Variants in TANC2 observed in about 807,000 individuals in gnomAD.
TANC2 encodes the protein protein TANC2.
A neutral mutation model predicts 210.5 loss-of-function variants in TANC2; 26 were observed. That is an observed-to-expected ratio of 0.12 (90% CI 0.09 to 0.17). The LOEUF (loss-of-function observed/expected upper bound fraction) is 0.17, where lower values mean the gene tolerates loss of function less well. Among genes scored for constraint, TANC2 ranks in the 10% least tolerant of loss-of-function variants. The pLI is 1.00. For synonymous variants in TANC2, 931 were observed against 967.1 expected, an observed-to-expected ratio of 0.96 and a Z score of 0.69; for missense variants, 2,129 against 2,608.9, an observed-to-expected ratio of 0.82 and a Z score of 4.01.
chr17:63,050,771 G>C (rs1224298954), intron 2 of TANC2, among the ~76,000 whole-genome samples: 1 of 152,216 alleles, frequency 6.6e-6, no homozygotes, highest in African/African-American at 2.4e-5. Flanking sequence ...CTTTATAAGA[G>C]ATTTTGGTAA....
intron 19 of TANC2, among the ~76,000 whole-genome samples, chr17:63,399,544 G>T (rs140093039): frequency 6.6e-6 from 1 of 152,194 alleles, no homozygotes; most frequent in African/African-American, 2.4e-5. Context: ...AATGATTGTT[G>T]TCTTCCCTCC....
At chr17:63,156,281 T>G (rs1413928980) in intron 5 of TANC2, among the ~76,000 whole-genome samples, 1 of 152,162 alleles carries the variant, frequency 6.6e-6, no homozygotes, top group Admixed American at 6.5e-5. Flanking sequence ...GGGGGGAGTC[T>G]TAGCCCTTTA....
At chr17:62,984,437 A>AT (rs915867715) in intron 1 of TANC2, among the ~76,000 whole-genome samples, 17 of 151,074 alleles carry the variant, frequency 1.1e-4, no homozygotes, top group Admixed American at 2.6e-4. Flanking sequence ...GATCTTTAGT[A>AT]TTTTTTTTGT....
At chr17:63,184,973 C>T (rs1263269737) in intron 5 of TANC2, among the ~76,000 whole-genome samples, 4 of 149,262 alleles carry the variant, frequency 2.7e-5, no homozygotes, top group Middle Eastern at 3.5e-3. Context: ...TTCAGTAATA[C>T]GGTTTTTTTT....
At chr17:63,243,594 A>T (rs1444247238) in intron 8 of TANC2, among the ~76,000 whole-genome samples, 1 of 152,226 alleles carries the variant, frequency 6.6e-6, no homozygotes, top group African/African-American at 2.4e-5. Flanking sequence ...CCTTCTGTAT[A>T]AAGTATGTAC....
At chr17:63,274,126 G>A (rs928711967) in intron 9 of TANC2, among the ~76,000 whole-genome samples, 1 of 152,110 alleles carries the variant, frequency 6.6e-6, no homozygotes, top group Non-Finnish European at 1.5e-5. Context: ...GATGATAATG[G>A]TAGTCTTTTG....
intron 1 of TANC2, among the ~76,000 whole-genome samples, chr17:62,998,896 A>G (rs1310559728): frequency 6.6e-6 from 1 of 152,242 alleles, no homozygotes; most frequent in African/African-American, 2.4e-5. Flanking sequence ...TCAAATCCAC[A>G]TATATCAATA....
chr17:63,024,940 C>T (rs1176608651), intron 2 of TANC2, among the ~76,000 whole-genome samples: 2 of 152,112 alleles, frequency 1.3e-5, no homozygotes, highest in African/African-American at 4.8e-5. Context: ...AGGATTATAC[C>T]AGAGCAACAA....
chr17:63,351,718 T>C (rs1032647964), intron 13 of TANC2, among the ~76,000 whole-genome samples: 3 of 152,140 alleles, frequency 2.0e-5, no homozygotes, highest in African/African-American at 7.2e-5. Flanking sequence ...AAAGATGATC[T>C]CTAACACTTT....
At chr17:62,984,163 C>T (rs1426584188) in intron 1 of TANC2, among the ~76,000 whole-genome samples, 1 of 151,890 alleles carries the variant, frequency 6.6e-6, no homozygotes, top group Admixed American at 6.6e-5. Flanking sequence ...AGTCTCAGTG[C>T]TTGTTGGTCT....
intron 2 of TANC2, among the ~76,000 whole-genome samples, chr17:63,015,414 C>T (rs1333093997): frequency 6.6e-6 from 1 of 152,032 alleles, no homozygotes; most frequent in East Asian, 1.9e-4. Flanking sequence ...CTGTGCTGCA[C>T]CTATTAACTC....
intron 5 of TANC2, among the ~76,000 whole-genome samples, chr17:63,173,954 A>G (rs2040494366): frequency 6.6e-6 from 1 of 152,230 alleles, no homozygotes; most frequent in South Asian, 2.1e-4. Context: ...AATAGCTACT[A>G]TAATTCCACT....
intron 3 of TANC2, among the ~76,000 whole-genome samples, chr17:63,087,219 C>T (rs539548541): frequency 6.6e-6 from 1 of 152,274 alleles, no homozygotes; most frequent in Non-Finnish European, 1.5e-5. Context: ...GTATCTTTCG[C>T]CTTTTAATGT....
Position 63,218,034 on chromosome 17 carries a change from A to G in TANC2, c.769+17077A>G, listed in dbSNP as rs534426411. On this transcript the variant is annotated intron_variant, in intron 7 of 27. Coordinates refer to ENST00000689528, the Ensembl canonical transcript of TANC2. ...GCACGGTGGCTCACGCCGTAATACC[A>G]GCACTTTGGGAGGTCGAGGTAGGAG... 2.6e-5 allele frequency among the ~76,000 whole-genome samples: 4 copies of G among 152,310 alleles called. No individual in the cohort carries two copies. In the East Asian group the frequency reaches 7.7e-4, roughly 29 times the overall value.
At chr17:63,220,659 G>A (rs4968759) in intron 7 of TANC2, among the ~76,000 whole-genome samples, 55,734 of 144,254 alleles carry the variant, frequency 0.39, 11,274 homozygotes, top group Non-Finnish European at 0.45. Context: ...AGCTGAGATC[G>A]CGCCACTGCA....
intron 2 of TANC2, among the ~76,000 whole-genome samples, chr17:63,010,355 AT>A (rs2033810330): frequency 6.6e-6 from 1 of 152,000 alleles, no homozygotes; most frequent in South Asian, 2.1e-4. Context: ...ACTGTTGCTG[AT>A]TTTTTGTTTA....
chr17:63,211,473 A>G (rs2041882758), intron 7 of TANC2, among the ~76,000 whole-genome samples: 1 of 151,638 alleles, frequency 6.6e-6, no homozygotes, highest in East Asian at 1.9e-4. Flanking sequence ...TCTCCTCCCA[A>G]CATTAGAGGA....
At chr17:63,023,790 T>C (rs1363592460) in intron 2 of TANC2, among the ~76,000 whole-genome samples, 2 of 152,196 alleles carry the variant, frequency 1.3e-5, no homozygotes, top group Non-Finnish European at 2.9e-5. Context: ...TCTGATTTGG[T>C]GGCAGAGGAT....
At chr17:63,063,992 T>C (rs1297092117) in intron 2 of TANC2, among the ~76,000 whole-genome samples, 3 of 152,178 alleles carry the variant, frequency 2.0e-5, no homozygotes, top group Admixed American at 6.5e-5. Flanking sequence ...GTATGTAATC[T>C]TCAATATATA....
Sources: allele counts gnomAD v4.1 joint callset (sites outside exome capture counted in the v4.1 genomes callset), GRCh38; gene constraint gnomAD v4.1.1; transcripts MANE v1.5; gene names NCBI Gene and HGNC (gene_info 2026-07-23, HGNC 2026-07-21).